Variants in NAV3 observed in about 807,000 individuals in gnomAD.
NAV3 encodes the protein neuron navigator 3.
In NAV3, 87 loss-of-function variants were observed where a neutral mutation model predicts 244.7. That is an observed-to-expected ratio of 0.36 (90% CI 0.30 to 0.42). The LOEUF (loss-of-function observed/expected upper bound fraction) is 0.42. Ranked by LOEUF, NAV3 falls within the 20% of genes least tolerant of loss-of-function variation. The probability of loss-of-function intolerance (pLI) is 1.00; values close to 1 mark genes in which losing one functional copy is unlikely to be tolerated. For synonymous variants in NAV3, 1,126 were observed against 1,042.2 expected (o/e 1.08, Z -1.55); for missense variants, 2,663 against 2,893.3 (o/e 0.92, Z 1.83).
At chr12:77,608,503 A>G (rs1480982738) in intron 2 of NAV3, among the ~76,000 whole-genome samples, 1 of 152,126 alleles carries the variant, frequency 6.6e-6, no homozygotes, top group Non-Finnish European at 1.5e-5. Flanking sequence ...TATTTTAGAT[A>G]TGGAGTTGGG....
At chr12:77,875,592 T>G (rs913057592) in intron 1 of NAV3, among the ~76,000 whole-genome samples, 1 of 152,098 alleles carries the variant, frequency 6.6e-6, no homozygotes, top group African/African-American at 2.4e-5. Context: ...TATGAATGTA[T>G]GAATACATTG....
chr12:77,710,700 A>G (rs1876067191), intron 2 of NAV3, among the ~76,000 whole-genome samples: 1 of 152,208 alleles, frequency 6.6e-6, no homozygotes. Context: ...GCACACAGAA[A>G]TGGACTTGAG....
chr12:77,573,954 A>G (rs922407321), intron 2 of NAV3, among the ~76,000 whole-genome samples: 3 of 152,154 alleles, frequency 2.0e-5, no homozygotes, highest in African/African-American at 4.8e-5. Flanking sequence ...ACTGTAAACA[A>G]TGGTTTGTAA....
intron 9 of NAV3, among the ~76,000 whole-genome samples, chr12:78,027,720 G>A (rs1878310079): frequency 6.6e-6 from 1 of 152,138 alleles, no homozygotes; most frequent in Admixed American, 6.6e-5. Flanking sequence ...ACCCACAAAG[G>A]GTAATACAAT....
At chr12:77,801,215 T>G (rs796774817) in intron 2 of NAV3, among the ~76,000 whole-genome samples, 13 of 152,280 alleles carry the variant, frequency 8.5e-5, no homozygotes, top group African/African-American at 3.1e-4. Context: ...AGAGTGGGTA[T>G]CTCATAGAAA....
chr12:77,671,172 T>C (rs995856774), intron 2 of NAV3, among the ~76,000 whole-genome samples: 2 of 151,836 alleles, frequency 1.3e-5, no homozygotes, highest in Admixed American at 6.6e-5. Context: ...AATAAGGAAC[T>C]CAACACCTTT....
At chr12:78,075,138 G>A (rs1417182113) in intron 12 of NAV3, among the ~76,000 whole-genome samples, 1 of 152,182 alleles carries the variant, frequency 6.6e-6, no homozygotes, top group African/African-American at 2.4e-5. Flanking sequence ...TATCTGACAC[G>A]TGCTTACTGA....
intron 2 of NAV3, among the ~76,000 whole-genome samples, chr12:77,755,515 T>TGCC (rs1390168001): frequency 0.024 from 361 of 15,040 alleles, 13 homozygotes; most frequent in African/African-American, 0.07. Context: ...CCCTGTGCCT[T>TGCC]TCCTTTCCTT....
chr12:77,830,059 G>A (rs1873440524), upstream of NAV3, among the ~76,000 whole-genome samples: 1 of 152,066 alleles, frequency 6.6e-6, no homozygotes, highest in African/African-American at 2.4e-5. Flanking sequence ...GAACAATAAT[G>A]CATGGTACAT....
chr12:77,855,118 C>T (rs1350598714), intron 1 of NAV3, among the ~76,000 whole-genome samples: 2 of 152,096 alleles, frequency 1.3e-5, no homozygotes, highest in Non-Finnish European at 2.9e-5. Context: ...CAGAGCGAGA[C>T]TCCATCTCCA....
chr12:77,900,043 C>T (rs996074285), intron 1 of NAV3, among the ~76,000 whole-genome samples: 1 of 151,188 alleles, frequency 6.6e-6, no homozygotes, highest in Admixed American at 6.6e-5. Flanking sequence ...CCTCTCTCCT[C>T]TCTCTAGTGG....
At chr12:77,678,593 G>A (rs1565768193) in intron 2 of NAV3, among the ~76,000 whole-genome samples, 1 of 152,134 alleles carries the variant, frequency 6.6e-6, no homozygotes, top group Non-Finnish European at 1.5e-5. Flanking sequence ...ATGCTAGCTG[G>A]TGCTTACTTG....
chr12:78,075,667 T>G (rs1217302857), intron 12 of NAV3, among the ~76,000 whole-genome samples: 3 of 152,222 alleles, frequency 2.0e-5, no homozygotes, highest in Non-Finnish European at 4.4e-5. Context: ...TATAAAGACT[T>G]AGATTTATAG....
intron 5 of NAV3, among the ~76,000 whole-genome samples, chr12:77,993,532 A>G (rs1185288001): frequency 6.6e-6 from 1 of 152,138 alleles, no homozygotes; most frequent in Non-Finnish European, 1.5e-5. Flanking sequence ...ACAAATAACA[A>G]TTTATCACAT....
At chr12:77,898,680 A>T (rs939200248) in intron 1 of NAV3, among the ~76,000 whole-genome samples, 2 of 152,218 alleles carry the variant, frequency 1.3e-5, no homozygotes, top group Non-Finnish European at 2.9e-5. Flanking sequence ...CCGTTCTATA[A>T]GTAATAATCA....
At chr12:78,146,097 C>CTT (rs957563294) in intron 20 of NAV3, among the ~76,000 whole-genome samples, 7 of 151,922 alleles carry the variant, frequency 4.6e-5, no homozygotes, top group Admixed American at 6.6e-5. Context: ...ATCTTAGAGT[C>CTT]TTTTAATTCT....
intron 5 of NAV3, among the ~76,000 whole-genome samples, chr12:77,985,921 A>G (rs1338714084): frequency 6.6e-6 from 1 of 152,180 alleles, no homozygotes; most frequent in Admixed American, 6.6e-5. Context: ...TATCTAAGGA[A>G]AGATCTATCT....
At chr12:77,941,833 C>G (rs1328507764) in intron 3 of NAV3, among the ~76,000 whole-genome samples, 2 of 152,136 alleles carry the variant, frequency 1.3e-5, no homozygotes, top group Non-Finnish European at 2.9e-5. Flanking sequence ...ACTAAAGTTA[C>G]ATCAAGCAGA....
intron 3 of NAV3, among the ~76,000 whole-genome samples, chr12:77,949,064 G>A (rs1183419270): frequency 6.6e-6 from 1 of 151,910 alleles, no homozygotes; most frequent in Non-Finnish European, 1.5e-5. Flanking sequence ...TGTGTGGATA[G>A]ACACAGAAAA....
Sources: allele counts gnomAD v4.1 joint callset (sites outside exome capture counted in the v4.1 genomes callset), GRCh38; gene constraint gnomAD v4.1.1; transcripts MANE v1.5; gene names NCBI Gene and HGNC (gene_info 2026-07-23, HGNC 2026-07-21).